Variants in BID observed in about 807,000 individuals in gnomAD.
The protein encoded by BID is BH3-interacting domain death agonist.
A neutral mutation model predicts 17.4 loss-of-function variants in BID; 19 were observed. The observed-to-expected ratio is 1.09, with a 90% CI of 0.76 to 1.60. The LOEUF (loss-of-function observed/expected upper bound fraction) is 1.60. BID is among the 40% of genes most tolerant of loss of function. The pLI is 0.00. For missense variants in BID, 226 were observed against 256.0 expected (o/e 0.88, Z 0.80); for synonymous variants, 108 against 102.8 (o/e 1.05, Z -0.31).
chr22:17,771,946 C>A (rs1422871051), intron 1 of BID, among the ~76,000 whole-genome samples: 4 of 152,214 alleles, frequency 2.6e-5, no homozygotes, highest in Non-Finnish European at 5.9e-5. Context: ...GGCTCCTTAC[C>A]CCCAGTGGCC....
chr22:17,750,683 C>T (rs2061531616), intron 1 of BID, among the ~76,000 whole-genome samples: 1 of 151,978 alleles, frequency 6.6e-6, no homozygotes, highest in African/African-American at 2.4e-5. Context: ...AAAAAATTAG[C>T]CGGGCGTGGT....
chr22:17,760,827 C>T (rs114941183), intron 1 of BID, among the ~76,000 whole-genome samples: 1 of 152,106 alleles, frequency 6.6e-6, no homozygotes, highest in African/African-American at 2.4e-5. Flanking sequence ...CTCAAAGTCT[C>T]TTTTCATAAC....
chr22:17,749,981 G>C (rs1180689880), intron 2 of BID, 124 bp downstream of exon 2: 3 of 938,794 alleles, frequency 3.2e-6, no homozygotes, highest in Non-Finnish European at 3.2e-6. Flanking sequence ...CGTCTGTGCC[G>C]AGCTGTGGTA....
chr22:17,771,130 C>T (rs1198564094), intron 1 of BID, among the ~76,000 whole-genome samples: 7 of 152,154 alleles, frequency 4.6e-5, no homozygotes, highest in Admixed American at 1.3e-4. Flanking sequence ...GACGGAGTCT[C>T]GCTCTGTCCC....
chr22:17,743,717 G>A (rs1601842020), intron 3 of BID, 86 bp downstream of exon 3: 16 of 1,380,030 alleles, frequency 1.2e-5, no homozygotes, highest in African/African-American at 1.4e-5. Flanking sequence ...TGATCCCGGG[G>A]GTCCCTTCCA....
rs1000449662 is a variant in BID, at chr22:17,744,131, C to A, written c.13-118G>T. On this transcript the variant is annotated intron_variant, in intron 2 of 5. Coordinates refer to ENST00000622694, the MANE Select transcript of BID (RefSeq NM_001196.4). ...TCACAGGTCCCAGAGAGCTGAGGGA[C>A]CCTGTGGGCTGGAGGGCCCTGCAGG... 1.5e-5 allele frequency: 14 copies of A among 930,494 alleles called. No homozygotes were observed. In the African/African-American group the frequency reaches 2.3e-4, roughly 15 times the overall value. 57.6% of individuals were successfully genotyped at this position (930,494 alleles called of 1,614,324 possible).
intron 1 of BID, among the ~76,000 whole-genome samples, chr22:17,759,724 T>G (rs562721668): frequency 1.6e-3 from 245 of 152,216 alleles, no homozygotes; most frequent in Middle Eastern, 3.4e-3. Context: ...AGTTTAAAAT[T>G]TTTTAAATTT....
intron 1 of BID, among the ~76,000 whole-genome samples, chr22:17,754,391 G>A (rs79262370): frequency 0.01 from 1,550 of 152,366 alleles, 16 homozygotes; most frequent in Non-Finnish European, 0.016. Context: ...CCCTGGTTTC[G>A]GAGACACGAC....
chr22:17,744,941 A>T (rs537048820), intron 2 of BID, among the ~76,000 whole-genome samples: 1 of 152,386 alleles, frequency 6.6e-6, no homozygotes, highest in Non-Finnish European at 1.5e-5. Context: ...GTGGGAGGGA[A>T]GATGGAAGTG....
At chr22:17,750,493 A>G (rs2061529865) in intron 1 of BID, among the ~76,000 whole-genome samples, 1 of 152,232 alleles carries the variant, frequency 6.6e-6, no homozygotes, top group Non-Finnish European at 1.5e-5. Context: ...CATAAAATGT[A>G]AAATGTTTAT....
chr22:17,773,514 G>T lies in BID; in HGVS notation c.-59+867C>A, dbSNP rs2061735803. 7.8e-7 allele frequency: 1 copy of T among 1,276,382 alleles called. No individual in the cohort carries two copies. The highest frequency in any genetic ancestry group is 1.1e-6 in the Non-Finnish European group (1 of 892,282). 79.1% of individuals were successfully genotyped at this position (1,276,382 alleles called of 1,614,324 possible). Reference sequence around the variant, plus strand: ...GGTGCAAGCCTGAGAAGGTGGAAGAGCTCTGGGTGGGTCCATCTGCTCCTC... The same window carrying T: ...GGTGCAAGCCTGAGAAGGTGGAAGATCTCTGGGTGGGTCCATCTGCTCCTC... On this transcript the variant is annotated intron_variant, in intron 1 of 5. Coordinates refer to ENST00000622694, the MANE Select transcript of BID (RefSeq NM_001196.4). This position sits in a 1 kb window ranked among gnomAD's most constrained non-coding sequence, Gnocchi z 4.4.
In BID at chr22:17,743,820, A is replaced by T; in HGVS notation, c.206T>A (p.Leu69Ter). The T allele has an allele frequency of 6.2e-7, 1 of 1,612,802 alleles. No individual in the cohort carries two copies. The highest frequency in any genetic ancestry group is 1.1e-5 in the South Asian group (1 of 91,038). The change falls in exon 3 of 6, where the codon TTG becomes TAG. Residue 69 changes from leucine to a stop codon, truncating the protein, a stop_gained. Coordinates refer to ENST00000622694, the MANE Select transcript of BID (RefSeq NM_001196.4). LOFTEE classifies it high-confidence loss of function. ...CCGCCTACCTGCCTCTATTCTTCCC[A>T]AGCGGGAGTGGCTGCTGCGGTTGCC... ...TDGNRSSHSR[L>*]GRIEADSESQ...
intron 1 of BID, among the ~76,000 whole-genome samples, chr22:17,756,424 CTTTCTTTCT>C (rs1569047571): frequency 3.7e-5 from 2 of 54,094 alleles, no homozygotes; most frequent in African/African-American, 1.0e-4. Flanking sequence ...TTCTTTCTTT[CTTTCTTTCT>C]TCTTTCTTTC....
At chr22:17,736,953 G>A (rs185936569) in intron 5 of BID, among the ~76,000 whole-genome samples, 287 of 151,946 alleles carry the variant, frequency 1.9e-3, no homozygotes, top group Non-Finnish European at 3.1e-3. Context: ...ACAGGCGCCC[G>A]CCACCACACC....
intron 1 of BID, among the ~76,000 whole-genome samples, chr22:17,759,241 C>CAAAACAAAAAAAAAAAAAAAAAAAA (rs2061617075): frequency 1.0e-5 from 1 of 97,062 alleles, no homozygotes; most frequent in South Asian, 3.0e-4. Flanking sequence ...AAACAAAAAA[C>CAAAACAAAAAAAAAAAAAAAAAAAA]AAAACAAAAA....
At chr22:17,748,256 T>G (rs1428745815) in intron 2 of BID, among the ~76,000 whole-genome samples, 1 of 147,126 alleles carries the variant, frequency 6.8e-6, no homozygotes, top group East Asian at 2.0e-4. Context: ...ACGCCTGTAA[T>G]CCCAGCACTT....
Position 17,749,150 on chromosome 22 carries a change from G to C in BID, c.12+955C>G, listed in dbSNP as rs143290787. Reference sequence around the variant, plus strand: ...TGCCTTCCCAGAGGCTGCCAGGACAGCGTGAGGCGCCCAGAGGCTGCAGAA... The same window carrying C: ...TGCCTTCCCAGAGGCTGCCAGGACACCGTGAGGCGCCCAGAGGCTGCAGAA... On this transcript the variant is annotated intron_variant, in intron 2 of 5. Coordinates refer to ENST00000622694, the MANE Select transcript of BID (RefSeq NM_001196.4). 3.5e-3 allele frequency among the ~76,000 whole-genome samples: 528 copies of C among 152,350 alleles called. 4 individuals are homozygous for C. The highest frequency in any genetic ancestry group is 0.011 in the African/African-American group (465 of 41,574).
At chr22:17,748,452 G>A (rs141317801) in intron 2 of BID, among the ~76,000 whole-genome samples, 4,365 of 151,918 alleles carry the variant, frequency 0.029, 97 homozygotes, top group African/African-American at 0.067. Context: ...AGCCTGCAGT[G>A]AGCGGAGATC....
chr22:17,768,658 G>T (rs1004424415), intron 1 of BID, among the ~76,000 whole-genome samples: 1 of 152,184 alleles, frequency 6.6e-6, no homozygotes, highest in East Asian at 1.9e-4. Context: ...TGGATCACGA[G>T]GTCAGGAGAT....
Sources: gnomAD v4.1 joint callset for allele counts (sites outside exome capture counted in the v4.1 genomes callset) on GRCh38, gnomAD v4.1.1 for gene constraint, Gnocchi (gnomAD v3.1) non-coding constraint, MANE v1.5 for transcripts, NCBI Gene and HGNC (gene_info 2026-07-23, HGNC 2026-07-21) for gene names.